NTRK2: variants seen among roughly 807,000 people sequenced by gnomAD.
The protein encoded by NTRK2 is BDNF/NT-3 growth factors receptor.
Under a neutral mutation model 94.5 loss-of-function variants are expected in NTRK2, and 13 were observed. The ratio of observed to expected loss-of-function variants is 0.14; its 90% CI spans 0.09 to 0.22. The LOEUF is 0.22. Among genes scored for constraint, NTRK2 ranks in the 10% least tolerant of loss-of-function variants. NTRK2 has a pLI of 1.00. For missense variants in NTRK2, 639 were observed against 1,071.2 expected, an observed-to-expected ratio of 0.60 and a Z score of 5.63; for synonymous variants, 372 against 407.4, an observed-to-expected ratio of 0.91 and a Z score of 1.05.
chr9:85,018,394 C>A (rs1282532433), intron 17 of NTRK2, among the ~76,000 whole-genome samples: 1 of 152,196 alleles, frequency 6.6e-6, no homozygotes, highest in African/African-American at 2.4e-5. Context: ...CCTTTTCTGG[C>A]ACATAAACAG....
chr9:84,752,098 G>A lies in NTRK2; in HGVS notation c.1396+13G>A, dbSNP rs759742322. 2 of 1,602,890 alleles carry A rather than the reference G, an allele frequency of 1.2e-6. No homozygotes were observed. Among genetic ancestry groups the A allele is most frequent in the African/African-American group, 2.7e-5 (2 of 74,714 alleles). On this transcript the variant is annotated intron_variant, in intron 12 of 18. Transcript: ENST00000277120. ...TTTGGCATGAAAGGTAAGAAGGGTT[G>A]TGTTTATTTAGCTTCTTATGTGGAT... is the stretch of plus-strand genomic sequence containing the variant.
At position 84,741,809 on chromosome 9, in the gene NTRK2, A is replaced by G. The variant is rs117442562; in HGVS notation, c.1160-83A>G. On this transcript the variant is annotated intron_variant, in intron 9 of 18. Coordinates refer to ENST00000277120, the MANE Select transcript of NTRK2 (RefSeq NM_006180.6). Reference sequence around the variant, plus strand: ...AATTGCAAAACTTCAGTGTATGTCTAGCTTATTTTAGTTGACATAGGTTAG... The same window carrying G: ...AATTGCAAAACTTCAGTGTATGTCTGGCTTATTTTAGTTGACATAGGTTAG... 4.6e-4 allele frequency: 536 copies of G among 1,166,732 alleles called. 4 individuals carry two copies. In the East Asian group the frequency reaches 0.013, roughly 27 times the overall value. The allele number at this position is 1,166,732 out of a possible 1,614,324, so 72.3% of individuals were successfully genotyped here.
intron 12 of NTRK2, among the ~76,000 whole-genome samples, chr9:84,770,557 T>C (rs1453851867): frequency 6.6e-6 from 1 of 152,222 alleles, no homozygotes; most frequent in Non-Finnish European, 1.5e-5. Context: ...GTTGGAACAC[T>C]AAGAAATTTA....
At chr9:85,004,053 G>GAAAGAAAGAAAAGAAAGAAAGAAAGAA (rs1316613240) in intron 17 of NTRK2, among the ~76,000 whole-genome samples, 12 of 64,898 alleles carry the variant, frequency 1.8e-4, no homozygotes, top group Admixed American at 6.3e-4. Context: ...AAGGGAGAAA[G>GAAAGAAAGAAAAGAAAGAAAGAAAGAA]AGAAAGAAAG....
intron 1 of NTRK2, among the ~76,000 whole-genome samples, 151 bp from the exon 2 acceptor site, chr9:84,670,225 AG>A (rs2131258182): frequency 6.6e-6 from 1 of 152,088 alleles, no homozygotes; most frequent in African/African-American, 2.4e-5. Flanking sequence ...TCGCGGGGCA[AG>A]TTGATTCCTG....
chr9:85,020,959 A>G (rs1219099093), intron 18 of NTRK2, among the ~76,000 whole-genome samples: 2 of 152,190 alleles, frequency 1.3e-5, no homozygotes, highest in Non-Finnish European at 2.9e-5. Flanking sequence ...TCTCAGACCA[A>G]TAAAAACCAC....
Position 84,848,079 on chromosome 9 carries a change from CAGAGAGAGAGAG to C in NTRK2, c.1397-12940_1397-12929del, listed in dbSNP as rs3029704. On this transcript the variant is annotated intron_variant, in intron 12 of 18. Coordinates refer to ENST00000277120, the MANE Select transcript of NTRK2 (RefSeq NM_006180.6). Reference sequence around the variant, plus strand: ...TCTCTGTGGCTCCAGTAGAGAGGGGCAGAGAGAGAGAGAGAGAGAGAGAGAGAGAGAGCTCAA... The same window carrying C: ...TCTCTGTGGCTCCAGTAGAGAGGGGCAGAGAGAGAGAGAGAGAGAGCTCAA... Among the ~76,000 whole-genome samples the C allele has an allele frequency of 4.8e-3, 697 of 144,358 alleles. 13 individuals are homozygous for C. Among genetic ancestry groups the C allele is most frequent in the Admixed American group, 0.039 (569 of 14,516 alleles). The allele number at this position is 144,358 out of a possible 152,430, so 94.7% of individuals were successfully genotyped here. A position where few individuals can be genotyped will look rare whatever the true frequency, so the allele number is the denominator to read the frequency against.
chr9:84,925,384 A>C (rs1379225511), intron 14 of NTRK2, among the ~76,000 whole-genome samples: 2 of 151,668 alleles, frequency 1.3e-5, no homozygotes, highest in Non-Finnish European at 2.9e-5. Context: ...CTCGGCCTCC[A>C]TTCTTCAGTC....
intron 12 of NTRK2, among the ~76,000 whole-genome samples, chr9:84,768,330 A>T (rs1404573887): frequency 6.6e-6 from 1 of 152,204 alleles, no homozygotes; most frequent in Non-Finnish European, 1.5e-5. Context: ...ATGATAGTTC[A>T]TTGTAGCTAT....
intron 12 of NTRK2, among the ~76,000 whole-genome samples, chr9:84,824,133 G>A (rs994869804): frequency 6.6e-6 from 1 of 152,184 alleles, no homozygotes; most frequent in Non-Finnish European, 1.5e-5. Flanking sequence ...GCTTTCATAT[G>A]TGTACACCTG....
chr9:84,743,271 T>A (rs961301525), intron 10 of NTRK2, among the ~76,000 whole-genome samples: 1 of 152,220 alleles, frequency 6.6e-6, no homozygotes, highest in African/African-American at 2.4e-5. Context: ...TTAGGAATGA[T>A]TAAAAGATTG....
intron 17 of NTRK2, among the ~76,000 whole-genome samples, chr9:85,000,934 G>C (rs1447057206): frequency 1.3e-5 from 2 of 152,202 alleles, no homozygotes; most frequent in East Asian, 3.9e-4. Flanking sequence ...GATGTTGTCA[G>C]TGTTCTGGAT....
intron 12 of NTRK2, among the ~76,000 whole-genome samples, chr9:84,777,551 G>A (rs998169371): frequency 6.6e-6 from 1 of 152,108 alleles, no homozygotes; most frequent in African/African-American, 2.4e-5. Context: ...GTTTGGAGAA[G>A]GAAAAACGAA....
intron 12 of NTRK2, among the ~76,000 whole-genome samples, chr9:84,807,801 T>A (rs1435682132): frequency 6.6e-6 from 1 of 152,248 alleles, no homozygotes; most frequent in Admixed American, 6.5e-5. Context: ...TGGCCTGGAT[T>A]GAATTTTGCT....
intron 17 of NTRK2, among the ~76,000 whole-genome samples, chr9:84,982,625 CT>C (rs1384224050): frequency 6.6e-6 from 1 of 152,168 alleles, no homozygotes; most frequent in African/African-American, 2.4e-5. Context: ...TTTTAGCCCC[CT>C]CTCACTTCTT....
chr9:84,798,911 G>GATATATATAT (rs1454747412), intron 12 of NTRK2, among the ~76,000 whole-genome samples: 1 of 40,594 alleles, frequency 2.5e-5, no homozygotes, highest in Non-Finnish European at 4.4e-5. Context: ...ACTTCTAAGT[G>GATATATATAT]CTATATATAT....
chr9:84,720,833 T>TA (rs1209496669), intron 6 of NTRK2, among the ~76,000 whole-genome samples: 3 of 152,068 alleles, frequency 2.0e-5, no homozygotes, highest in Non-Finnish European at 2.9e-5. Context: ...GCCTTGGGAA[T>TA]AAAAAATTGA....
intron 17 of NTRK2, among the ~76,000 whole-genome samples, chr9:85,013,247 T>G (rs1301099075): frequency 6.6e-6 from 1 of 152,194 alleles, no homozygotes; most frequent in Non-Finnish European, 1.5e-5. Flanking sequence ...CTGGACGTGG[T>G]CATTGTCTGG....
intron 17 of NTRK2, among the ~76,000 whole-genome samples, chr9:85,014,590 A>G (rs11140828): frequency 0.014 from 2,180 of 152,348 alleles, 33 homozygotes; most frequent in Middle Eastern, 0.044. Context: ...ATTTTTCACA[A>G]TTTACAACCT....
Sources: gnomAD v4.1 joint callset for allele counts (sites outside exome capture counted in the v4.1 genomes callset) on GRCh38, gnomAD v4.1.1 for gene constraint, MANE v1.5 for transcripts, NCBI Gene and HGNC (gene_info 2026-07-23, HGNC 2026-07-21) for gene names.